The following CATSPERT variants were observed in gnomAD, a reference collection of about 807,000 sequenced individuals.
CATSPERT encodes the protein catsper channel auxiliary subunit tau.
the CATSPERT span, chr2:201,555,170 G>C: frequency 2.0e-5 from 3 of 152,010 alleles, no homozygotes; most frequent in Non-Finnish European, 4.4e-5. Context: ...TAGTATCCCC[G>C]TGATGAATAA....
the CATSPERT span, among the ~76,000 whole-genome samples, chr2:201,581,065 T>A: frequency 7.2e-5 from 11 of 152,182 alleles, no homozygotes; most frequent in African/African-American, 2.4e-4. Flanking sequence ...TGTATACATA[T>A]TTCAAAACAT....
the CATSPERT span, among the ~76,000 whole-genome samples, chr2:201,604,145 A>G: frequency 0.034 from 5,071 of 148,370 alleles, 135 homozygotes; most frequent in Non-Finnish European, 0.043. Context: ...GTGTGTGTGT[A>G]TGTGTGTGTG....
the CATSPERT span, among the ~76,000 whole-genome samples, chr2:201,523,380 G>A: frequency 2.6e-5 from 4 of 152,196 alleles, no homozygotes; most frequent in African/African-American, 9.7e-5. Context: ...GGAGTGCTGA[G>A]CTGAGCCTTG....
At chr2:201,601,355 A>G in the CATSPERT span, among the ~76,000 whole-genome samples, 1 of 151,828 alleles carries the variant, frequency 6.6e-6, no homozygotes, top group Non-Finnish European at 1.5e-5. Flanking sequence ...CCTTAAAAAA[A>G]TAATTAGAGA....
At chr2:201,548,750 A>G in the CATSPERT span, among the ~76,000 whole-genome samples, 1 of 152,138 alleles carries the variant, frequency 6.6e-6, no homozygotes, top group Non-Finnish European at 1.5e-5. Context: ...GAAAAATTAC[A>G]GTTTAATCTC....
the CATSPERT span, among the ~76,000 whole-genome samples, chr2:201,593,571 AG>A: frequency 1.2e-5 from 1 of 84,052 alleles, no homozygotes; most frequent in African/African-American, 4.2e-5. Flanking sequence ...TAATGTTGAC[AG>A]TGGGGTGTTA....
chr2:201,577,032 G>C, the CATSPERT span, among the ~76,000 whole-genome samples: 8 of 152,078 alleles, frequency 5.3e-5, no homozygotes, highest in Non-Finnish European at 1.0e-4. Context: ...AAATGACACA[G>C]AAGTAAAAAA....
chr2:201,588,857 A>G, the CATSPERT span, among the ~76,000 whole-genome samples: 4 of 152,094 alleles, frequency 2.6e-5, no homozygotes, highest in African/African-American at 9.7e-5. Flanking sequence ...CATCTACAAA[A>G]CCCCATAGTC....
the CATSPERT span, among the ~76,000 whole-genome samples, chr2:201,598,605 T>C: frequency 2.4e-4 from 36 of 152,148 alleles, no homozygotes; most frequent in Admixed American, 7.2e-4. Flanking sequence ...CTTTTTTTTT[T>C]TGGTCTCACT....
chr2:201,575,392 C>T, the CATSPERT span: 23 of 1,292,350 alleles, frequency 1.8e-5, no homozygotes, highest in Non-Finnish European at 2.3e-5. Flanking sequence ...ATTATCGAAA[C>T]CAAGGGTCCC....
the CATSPERT span, among the ~76,000 whole-genome samples, chr2:201,571,352 C>G: frequency 6.6e-6 from 1 of 152,128 alleles, no homozygotes; most frequent in Admixed American, 6.5e-5. Context: ...ATTTCTTATT[C>G]TTGGATAACA....
the CATSPERT span, chr2:201,494,776 A>C: frequency 2.0e-6 from 3 of 1,480,800 alleles, no homozygotes; most frequent in Non-Finnish European, 2.7e-6. Context: ...TATTAAAAAA[A>C]AGGTAAGACA....
the CATSPERT span, among the ~76,000 whole-genome samples, chr2:201,534,060 CT>C: frequency 6.6e-6 from 1 of 151,388 alleles, no homozygotes; most frequent in African/African-American, 2.4e-5. Context: ...ATCTATCTAT[CT>C]ATCTATCTAT....
the CATSPERT span, chr2:201,545,476 CT>C: frequency 9.3e-7 from 1 of 1,080,794 alleles, no homozygotes; most frequent in Non-Finnish European, 1.3e-6. Context: ...TACTAATTGT[CT>C]TTTTGTGATA....
the CATSPERT span, among the ~76,000 whole-genome samples, chr2:201,503,092 TC>T: frequency 6.6e-6 from 1 of 152,186 alleles, no homozygotes; most frequent in African/African-American, 2.4e-5. Context: ...TACTCACGTT[TC>T]CTCTACCTTC....
chr2:201,604,574 T>A, the CATSPERT span: 1 of 1,313,466 alleles, frequency 7.6e-7, no homozygotes, highest in Non-Finnish European at 1.0e-6. Context: ...AAATAATAAA[T>A]AACTTATACA....
the CATSPERT span, among the ~76,000 whole-genome samples, chr2:201,539,667 T>C: frequency 6.6e-6 from 1 of 151,956 alleles, no homozygotes; most frequent in Non-Finnish European, 1.5e-5. Flanking sequence ...GTTGTGTGTG[T>C]TGTAACTATG....
chr2:201,599,739 A>G, the CATSPERT span, among the ~76,000 whole-genome samples: 40 of 152,190 alleles, frequency 2.6e-4, no homozygotes, highest in Non-Finnish European at 3.2e-4. Context: ...ACCTATTTAA[A>G]TAAATACAGG....
chr2:201,537,801 A>G, the CATSPERT span, among the ~76,000 whole-genome samples: 2 of 151,978 alleles, frequency 1.3e-5, no homozygotes, highest in Non-Finnish European at 2.9e-5. Context: ...AGAGACTAGA[A>G]TAAAGGCATA....
Sources: allele counts gnomAD v4.1 joint callset (sites outside exome capture counted in the v4.1 genomes callset), GRCh38; gene constraint gnomAD v4.1.1; transcripts MANE v1.5; gene names NCBI Gene and HGNC (gene_info 2026-07-23, HGNC 2026-07-21).